LHFPL3: variants seen among roughly 807,000 people sequenced by gnomAD.
The protein encoded by LHFPL3 is LHFPL tetraspan subfamily member 3, also known as LHFPL tetraspan subfamily member 3 protein.
In LHFPL3, 5 loss-of-function variants were observed where a neutral mutation model predicts 19.3. That is an observed-to-expected ratio of 0.26 (90% CI 0.14 to 0.54). The LOEUF is 0.54. Ranked by LOEUF, LHFPL3 falls within the 20% of genes least tolerant of loss-of-function variation. The probability of loss-of-function intolerance (pLI) is 0.94; values close to 1 mark genes in which losing one functional copy is unlikely to be tolerated. For synonymous variants in LHFPL3, 133 were observed against 126.2 expected (o/e 1.05, Z -0.36); for missense variants, 249 against 307.4 (o/e 0.81, Z 1.42).
intron 1 of LHFPL3, among the ~76,000 whole-genome samples, chr7:104,597,242 C>A (rs1292644709): frequency 6.6e-6 from 1 of 152,046 alleles, no homozygotes; most frequent in Non-Finnish European, 1.5e-5. Context: ...AATAAATGTT[C>A]TTTCTTTTGC....
At chr7:104,780,578 G>A (rs148406346) in intron 2 of LHFPL3, among the ~76,000 whole-genome samples, 14 of 152,174 alleles carry the variant, frequency 9.2e-5, no homozygotes, top group East Asian at 5.8e-4. Context: ...TTTGAGATTC[G>A]TGTCACCAGG....
chr7:104,844,285 A>G (rs1791271396), intron 2 of LHFPL3, among the ~76,000 whole-genome samples: 1 of 152,236 alleles, frequency 6.6e-6, no homozygotes, highest in South Asian at 2.1e-4. Flanking sequence ...GATGGAGGCA[A>G]TTGAGAAAAT....
intron 1 of LHFPL3, among the ~76,000 whole-genome samples, chr7:104,626,757 A>G (rs1791553189): frequency 6.6e-6 from 1 of 152,142 alleles, no homozygotes; most frequent in Non-Finnish European, 1.5e-5. Context: ...TATCCACAAC[A>G]TATTTGTGGA....
At chr7:104,520,583 CTT>C (rs1272721366) in intron 1 of LHFPL3, among the ~76,000 whole-genome samples, 2 of 137,188 alleles carry the variant, frequency 1.5e-5, no homozygotes, top group East Asian at 2.1e-4. Context: ...GTCCTGGACT[CTT>C]TTTGGTTGGT....
At chr7:104,430,380 A>ATATATATG (rs1342628684) in intron 1 of LHFPL3, among the ~76,000 whole-genome samples, 1 of 47,640 alleles carries the variant, frequency 2.1e-5, no homozygotes, top group African/African-American at 1.5e-4. Context: ...GTATATATAT[A>ATATATATG]TACATATATA....
At chr7:104,450,728 C>T (rs1307888407) in intron 1 of LHFPL3, among the ~76,000 whole-genome samples, 1 of 151,026 alleles carries the variant, frequency 6.6e-6, no homozygotes. Flanking sequence ...ATAATAAAAA[C>T]AAAAACACTG....
At chr7:104,398,849 C>CAA (rs57542139) in intron 1 of LHFPL3, among the ~76,000 whole-genome samples, 51,759 of 143,792 alleles carry the variant, frequency 0.36, 9,183 homozygotes, top group Admixed American at 0.49. Context: ...TGCCCGCCCC[C>CAA]CGGCCCTGAA....
chr7:104,643,095 G>C (rs1584457469), intron 1 of LHFPL3, among the ~76,000 whole-genome samples: 1 of 152,128 alleles, frequency 6.6e-6, no homozygotes, highest in Admixed American at 6.5e-5. Flanking sequence ...TGCAGAGGGG[G>C]CATGAATCTG....
intron 2 of LHFPL3, among the ~76,000 whole-genome samples, chr7:104,837,938 T>A (rs935899128): frequency 2.6e-5 from 4 of 152,220 alleles, no homozygotes; most frequent in African/African-American, 9.6e-5. Flanking sequence ...GCCTTCAATA[T>A]AACCTTCAGA....
intron 1 of LHFPL3, among the ~76,000 whole-genome samples, chr7:104,346,040 C>CTT (rs35726797): frequency 2.8e-5 from 4 of 140,396 alleles, no homozygotes; most frequent in Non-Finnish European, 4.6e-5. Context: ...TTTATTCCTT[C>CTT]TTTTTTTTTT....
chr7:104,629,855 C>G (rs1791610007), intron 1 of LHFPL3, among the ~76,000 whole-genome samples: 1 of 152,140 alleles, frequency 6.6e-6, no homozygotes, highest in Non-Finnish European at 1.5e-5. Context: ...CACCATACTA[C>G]CCTTAAGTGT....
intron 2 of LHFPL3, among the ~76,000 whole-genome samples, chr7:104,769,552 G>A (rs1384622223): frequency 1.3e-5 from 2 of 152,092 alleles, no homozygotes; most frequent in South Asian, 2.1e-4. Context: ...GTGGTTTGCT[G>A]CACCCATCAA....
chr7:104,702,153 G>C (rs1383575222), intron 1 of LHFPL3, among the ~76,000 whole-genome samples: 1 of 151,642 alleles, frequency 6.6e-6, no homozygotes, highest in Non-Finnish European at 1.5e-5. Flanking sequence ...GTGTTAGTTT[G>C]CTGAGAATGA....
At chr7:104,613,980 A>C (rs1415547830) in intron 1 of LHFPL3, among the ~76,000 whole-genome samples, 1 of 152,038 alleles carries the variant, frequency 6.6e-6, no homozygotes, top group Non-Finnish European at 1.5e-5. Context: ...AGAGACTGGG[A>C]GATAGGGGCA....
chr7:104,381,581 G>A (rs1584279854), intron 1 of LHFPL3, among the ~76,000 whole-genome samples: 1 of 118,484 alleles, frequency 8.4e-6, no homozygotes, highest in South Asian at 2.6e-4. Flanking sequence ...CCTCCCACAC[G>A]CAGTTATTAA....
chr7:104,554,487 T>C (rs1344467838), intron 1 of LHFPL3, among the ~76,000 whole-genome samples: 1 of 152,136 alleles, frequency 6.6e-6, no homozygotes, highest in Non-Finnish European at 1.5e-5. Context: ...AATTAATAAA[T>C]TAGCTCGTGT....
intron 2 of LHFPL3, among the ~76,000 whole-genome samples, chr7:104,780,403 T>C (rs1794699184): frequency 6.6e-6 from 1 of 152,156 alleles, no homozygotes; most frequent in Non-Finnish European, 1.5e-5. Flanking sequence ...AATCCAAACC[T>C]GCCCTGAAGA....
chr7:104,654,971 C>T (rs1373041253), intron 1 of LHFPL3, among the ~76,000 whole-genome samples: 2 of 152,114 alleles, frequency 1.3e-5, no homozygotes, highest in African/African-American at 2.4e-5. Context: ...TGATCATTCA[C>T]ACCTGACACA....
intron 1 of LHFPL3, among the ~76,000 whole-genome samples, chr7:104,732,578 T>A (rs1412744598): frequency 6.6e-6 from 1 of 152,228 alleles, no homozygotes; most frequent in Non-Finnish European, 1.5e-5. Context: ...ATATCCCCTT[T>A]ATCATTTTCT....
Sources: gnomAD v4.1 joint callset for allele counts (sites outside exome capture counted in the v4.1 genomes callset) on GRCh38, gnomAD v4.1.1 for gene constraint, MANE v1.5 for transcripts, NCBI Gene and HGNC (gene_info 2026-07-23, HGNC 2026-07-21) for gene names.